RCOR1: variants seen among roughly 807,000 people sequenced by gnomAD.
RCOR1 encodes the protein REST corepressor.
A neutral mutation model predicts 64.0 loss-of-function variants in RCOR1; 12 were observed. That is an observed-to-expected ratio of 0.19 (90% CI 0.12 to 0.30). The LOEUF is 0.30. RCOR1 is among the 10% of genes least tolerant of loss of function. The probability of loss-of-function intolerance (pLI) is 1.00; values close to 1 mark genes in which losing one functional copy is unlikely to be tolerated. For missense variants in RCOR1, 502 were observed against 621.2 expected (o/e 0.81, Z 2.04); for synonymous variants, 279 against 227.2 (o/e 1.23, Z -2.05).
chr14:102,662,976 T>G (rs187905727), intron 2 of RCOR1, among the ~76,000 whole-genome samples: 1 of 152,282 alleles, frequency 6.6e-6, no homozygotes, highest in Admixed American at 6.5e-5. Context: ...ATGGTTTGGC[T>G]CTGTGTCCCC....
intron 3 of RCOR1, 151 bp downstream of exon 3, chr14:102,682,129 T>C (rs1895317763): frequency 2.0e-6 from 1 of 502,600 alleles, no homozygotes; most frequent in Non-Finnish European, 3.4e-6. Flanking sequence ...ATTTCTTTTT[T>C]TAAAATTTTT....
intron 2 of RCOR1, among the ~76,000 whole-genome samples, chr14:102,660,445 G>A (rs776441489): frequency 6.6e-6 from 1 of 151,632 alleles, no homozygotes; most frequent in African/African-American, 2.4e-5. Context: ...AGTGCAGCTT[G>A]ATGTATGATC....
In RCOR1 at chr14:102,592,878, C is replaced by A. The variant is rs928951687; in HGVS notation, c.-9C>A. 1 of 1,223,932 alleles carries A rather than the reference C, an allele frequency of 8.2e-7. No homozygotes were observed. The highest frequency in any genetic ancestry group is 1.0e-6 in the Non-Finnish European group (1 of 980,654). The allele number at this position is 1,223,932 out of a possible 1,614,324, so 75.8% of individuals were successfully genotyped here. A position where few individuals can be genotyped will look rare whatever the true frequency, so the allele number is the denominator to read the frequency against. The stretch of plus-strand genomic sequence containing the variant: ...CCCCGCCACTTTCGCACGGCCCCGG[C>A]CCCCGCCGATGCCGGCCATGGTGGA... On this transcript the variant is annotated 5_prime_UTR_variant, in exon 1 of 12. Coordinates refer to ENST00000262241, the MANE Select transcript of RCOR1 (RefSeq NM_015156.4).
intron 2 of RCOR1, among the ~76,000 whole-genome samples, chr14:102,631,230 T>A (rs1595202865): frequency 7.1e-6 from 1 of 141,500 alleles, no homozygotes; most frequent in South Asian, 2.2e-4. Flanking sequence ...TGAGACGGAG[T>A]CTTGCTGTGT....
At position 102,728,126 on chromosome 14, in the gene RCOR1, T is replaced by G. The variant is rs1896306836; in HGVS notation, c.*1620T>G. ...GTTGTTGAAGTCAGCTGATTTTCTC[T>G]TTAGAAAGAGGGTCAGCTAGAAACC... is the stretch of plus-strand genomic sequence containing the variant. On this transcript the variant is annotated 3_prime_UTR_variant, in exon 12 of 12. Coordinates refer to ENST00000262241, the MANE Select transcript of RCOR1 (RefSeq NM_015156.4). The G allele has an allele frequency of 6.6e-6, 1 of 152,626 alleles. No homozygotes were observed. Among genetic ancestry groups the G allele is most frequent in the Non-Finnish European group, 1.5e-5 (1 of 68,050 alleles). 9.5% of individuals were successfully genotyped at this position (152,626 alleles called of 1,614,324 possible).
chr14:102,675,174 T>G (rs756726715), intron 2 of RCOR1, among the ~76,000 whole-genome samples: 3 of 152,278 alleles, frequency 2.0e-5, no homozygotes, highest in South Asian at 2.1e-4. Flanking sequence ...GTATTTATAT[T>G]TTTTGATTTA....
chr14:102,598,501 G>A (rs1341419847), intron 2 of RCOR1, among the ~76,000 whole-genome samples: 2 of 144,920 alleles, frequency 1.4e-5, no homozygotes, highest in Non-Finnish European at 3.0e-5. Context: ...AGGCTGGAGT[G>A]CAGTGGTGTA....
chr14:102,700,448 C>G (rs1895734328), intron 3 of RCOR1, among the ~76,000 whole-genome samples: 2 of 152,208 alleles, frequency 1.3e-5, no homozygotes, highest in South Asian at 4.1e-4. Flanking sequence ...TCTCGAACTC[C>G]TGACCTCAAA....
At position 102,592,896 on chromosome 14, in the gene RCOR1, A is replaced by C. The variant is rs1455039293; in HGVS notation, c.10A>C (p.Met4Leu). 1.6e-6 allele frequency: 2 copies of C among 1,227,440 alleles called. No homozygotes were observed. Among genetic ancestry groups the C allele is most frequent in the Non-Finnish European group, 2.0e-6 (2 of 980,984 alleles). The allele number at this position is 1,227,440 out of a possible 1,614,324, so 76.0% of individuals were successfully genotyped here. The change falls in exon 1 of 12, where the codon ATG becomes CTG. Residue 4 changes from methionine to leucine, a missense_variant. Physicochemically the swap from Met to Leu is conservative, Grantham distance 15. Transcript: ENST00000262241. Reference protein sequence around the residue: MPAMVEKGPEVSGK... With the variant: MPALVEKGPEVSGK... Reference sequence around the variant, plus strand: ...GCCCCGGCCCCCGCCGATGCCGGCCATGGTGGAGAAGGGCCCCGAGGTCTC... The same window carrying C: ...GCCCCGGCCCCCGCCGATGCCGGCCCTGGTGGAGAAGGGCCCCGAGGTCTC...
intron 11 of RCOR1, 31 bp from the exon 12 acceptor site, chr14:102,726,437 C>CTTTTTTTTTTTTTT: frequency 7.1e-7 from 1 of 1,412,318 alleles, no homozygotes. Context: ...CTCTTTGATC[C>CTTTTTTTTTTTTTT]TTTTTTTTTT....
intron 6 of RCOR1, among the ~76,000 whole-genome samples, chr14:102,709,969 T>C (rs1053495450): frequency 2.6e-5 from 4 of 152,248 alleles, no homozygotes; most frequent in South Asian, 2.1e-4. Context: ...CCACCTCCCA[T>C]GTGCACCTCA....
chr14:102,707,554 TCTAA>T (rs766707154), intron 5 of RCOR1, 42 bp downstream of exon 5: 26 of 1,489,574 alleles, frequency 1.7e-5, no homozygotes, highest in Admixed American at 2.2e-5. Context: ...TTTTCTCCTA[TCTAA>T]CTCTCTTTTG....
chr14:102,612,519 G>A (rs1893652258), intron 2 of RCOR1, among the ~76,000 whole-genome samples: 1 of 151,668 alleles, frequency 6.6e-6, no homozygotes, highest in Non-Finnish European at 1.5e-5. Context: ...ATTTTTTGTA[G>A]GGATGGGGGT....
At chr14:102,664,327 C>G (rs1018616989) in intron 2 of RCOR1, among the ~76,000 whole-genome samples, 16 of 152,042 alleles carry the variant, frequency 1.1e-4, no homozygotes, top group African/African-American at 3.9e-4. Context: ...GTTGTCCAGG[C>G]TGTTCTTGAA....
intron 2 of RCOR1, among the ~76,000 whole-genome samples, chr14:102,616,863 T>G (rs1893772242): frequency 6.6e-6 from 1 of 152,182 alleles, no homozygotes; most frequent in Admixed American, 6.5e-5. Context: ...TGGTGATGAA[T>G]TAAAAGTTCA....
intron 2 of RCOR1, among the ~76,000 whole-genome samples, chr14:102,596,645 ACCT>A (rs1893255548): frequency 6.6e-6 from 1 of 151,462 alleles, no homozygotes; most frequent in Non-Finnish European, 1.5e-5. Context: ...GCTCACTGCA[ACCT>A]CCACCTCCGA....
chr14:102,632,731 TCC>T (rs1894149374), intron 2 of RCOR1, among the ~76,000 whole-genome samples: 1 of 1,632 alleles, frequency 6.1e-4, no homozygotes, highest in Non-Finnish European at 1.7e-3. Flanking sequence ...TCCTTTCTTC[TCC>T]CCTCCCCTCC....
rs773058853 is a variant in RCOR1, at chr14:102,593,295, T to C, written c.331T>C (p.Tyr111His). The change falls in exon 2 of 12, where the codon TAC (tyrosine) becomes CAC (histidine). Residue 111 changes from tyrosine to histidine, a missense_variant. Physicochemically the swap from Tyr to His is moderately conservative, Grantham distance 83. Transcript: ENST00000262241. ...GGGGMRVGPQ[Y>H]QAVVPDFDPA... ...CGGTGGCATGAGGGTCGGACCCCAGTACCAGGCGGTGGTGCCCGACTTCGA... is the reference window on the plus strand; with the variant it reads ...CGGTGGCATGAGGGTCGGACCCCAGCACCAGGCGGTGGTGCCCGACTTCGA... The C allele has an allele frequency of 6.5e-7, 1 of 1,549,244 alleles. No homozygotes were observed. Among genetic ancestry groups the C allele is most frequent in the African/African-American group, 1.4e-5 (1 of 70,274 alleles).
chr14:102,729,558 TTC>T lies in RCOR1; in HGVS notation c.*3053_*3054del. 3.5e-6 allele frequency: 1 copy of T among 283,896 alleles called. No individual in the cohort carries two copies. The highest frequency in any genetic ancestry group is 5.2e-5 in the Admixed American group (1 of 19,228). 17.6% of individuals were successfully genotyped at this position (283,896 alleles called of 1,614,324 possible). ...ACGTTCTGATGCTCACAAACCTCTA[TTC>T]AACACACAAAACAAACATGAAAAGG... On this transcript the variant is annotated 3_prime_UTR_variant, in exon 12 of 12. Coordinates refer to ENST00000262241, the MANE Select transcript of RCOR1 (RefSeq NM_015156.4).
Sources: allele counts gnomAD v4.1 joint callset (sites outside exome capture counted in the v4.1 genomes callset), GRCh38; gene constraint gnomAD v4.1.1; transcripts MANE v1.5; gene names NCBI Gene and HGNC (gene_info 2026-07-23, HGNC 2026-07-21).